TBC1D23: variants seen among roughly 807,000 people sequenced by gnomAD.
The protein encoded by TBC1D23 is TBC1 domain family member 23, also known as HCV non-structural protein 4A-transactivated protein 1.
TBC1D23 carries 55 observed loss-of-function variants against 91.4 expected under a neutral mutation model. That is an observed-to-expected ratio of 0.60 (90% CI 0.48 to 0.75). The LOEUF is 0.75. TBC1D23 is among the 30% of genes least tolerant of loss of function. The pLI is 0.00. For synonymous variants in TBC1D23, 289 were observed against 281.0 expected (o/e 1.03, Z -0.28); for missense variants, 725 against 836.1 (o/e 0.87, Z 1.64).
intron 5 of TBC1D23, among the ~76,000 whole-genome samples, chr3:100,294,562 A>C (rs994112991): frequency 6.6e-6 from 1 of 152,066 alleles, no homozygotes; most frequent in Non-Finnish European, 1.5e-5. Flanking sequence ...CGCCCGGCCT[A>C]ATCTCTTTCA....
chr3:100,319,638 G>C (rs558102775), intron 17 of TBC1D23, among the ~76,000 whole-genome samples: 16 of 152,188 alleles, frequency 1.1e-4, no homozygotes, highest in Non-Finnish European at 2.2e-4. Context: ...ATGTTGGTCA[G>C]GCTGGTCTCG....
intron 12 of TBC1D23, among the ~76,000 whole-genome samples, chr3:100,305,111 T>C (rs1355853061): frequency 6.6e-6 from 1 of 152,178 alleles, no homozygotes; most frequent in East Asian, 1.9e-4. Context: ...TTAATAGATT[T>C]GTTTCCAAAA....
chr3:100,288,562 A>T (rs552845570), intron 4 of TBC1D23, among the ~76,000 whole-genome samples: 80 of 152,336 alleles, frequency 5.3e-4, no homozygotes, highest in African/African-American at 1.9e-3. Context: ...GTTTGATAAA[A>T]TGTAAGATAA....
At chr3:100,322,936 A>T (rs550273605) in intron 18 of TBC1D23, among the ~76,000 whole-genome samples, 2 of 152,322 alleles carry the variant, frequency 1.3e-5, no homozygotes, top group African/African-American at 2.4e-5. Flanking sequence ...TTTACCGAAG[A>T]TGCTTTTTTA....
chr3:100,299,145 C>T (rs1705368312), intron 9 of TBC1D23, 94 bp from the exon 10 acceptor site: 2 of 751,818 alleles, frequency 2.7e-6, no homozygotes, highest in African/African-American at 1.8e-5. Flanking sequence ...TTTTAATGAA[C>T]TTGTTCCCTT....
At chr3:100,321,074 G>A (rs1002785301) in intron 18 of TBC1D23, 103 bp downstream of exon 18, 2 of 840,118 alleles carry the variant, frequency 2.4e-6, no homozygotes, top group Non-Finnish European at 3.6e-6. Flanking sequence ...AATGGATGGT[G>A]GAATAGGATA....
At chr3:100,306,413 CTT>C in intron 12 of TBC1D23, 22 bp from the exon 13 acceptor site, 3 of 1,276,106 alleles carry the variant, frequency 2.4e-6, no homozygotes, top group Non-Finnish European at 2.2e-6. Flanking sequence ...TTAGGTTTTT[CTT>C]TTTTTTTTAA....
intron 5 of TBC1D23, among the ~76,000 whole-genome samples, chr3:100,293,285 C>G (rs2067808983): frequency 6.6e-6 from 1 of 152,194 alleles, no homozygotes; most frequent in Non-Finnish European, 1.5e-5. Context: ...AGGCGCCCGC[C>G]ACCACACCCG....
intron 2 of TBC1D23, among the ~76,000 whole-genome samples, chr3:100,281,444 T>G (rs1027989788): frequency 6.6e-6 from 1 of 152,330 alleles, no homozygotes; most frequent in East Asian, 1.9e-4. Context: ...GCCAGTACAT[T>G]CTGTTGTTTT....
At position 100,282,119 on chromosome 3, in the gene TBC1D23, T is replaced by C. The variant is rs2067700407; in HGVS notation, c.271+272T>C. Among the ~76,000 whole-genome samples the C allele has an allele frequency of 3.9e-5, 6 of 152,310 alleles. No homozygotes were observed. The South Asian group carries it at 1.2e-3, about 32-fold the overall frequency. On this transcript the variant is annotated intron_variant, in intron 3 of 18. Coordinates refer to ENST00000394144, the MANE Select transcript of TBC1D23 (RefSeq NM_001199198.3). ...TGAGGTCAAGAGTTCAAGACCAGCC[T>C]GGCCAACATGGCAAAACCCTGTCTC... is the stretch of plus-strand genomic sequence containing the variant.
intron 9 of TBC1D23, 72 bp from the exon 10 acceptor site, chr3:100,299,167 C>T (rs1705368586): frequency 1.0e-6 from 1 of 956,276 alleles, no homozygotes; most frequent in Non-Finnish European, 1.6e-6. Flanking sequence ...ATTTGGTTAA[C>T]TGTGAATATT....
chr3:100,314,087 CA>C (rs1177088472), intron 15 of TBC1D23, among the ~76,000 whole-genome samples: 10 of 131,468 alleles, frequency 7.6e-5, no homozygotes, highest in Non-Finnish European at 1.6e-5. Flanking sequence ...AATTAGGCTA[CA>C]AAATTTTTTT....
intron 1 of TBC1D23, among the ~76,000 whole-genome samples, chr3:100,264,161 A>G (rs1176147974): frequency 6.6e-6 from 1 of 151,120 alleles, no homozygotes; most frequent in African/African-American, 2.4e-5. Flanking sequence ...GGGATGCTTT[A>G]CTCTTGTTTT....
At chr3:100,295,274 C>G (rs2067829234) in intron 6 of TBC1D23, 28 bp from the exon 7 acceptor site, 7 of 1,605,582 alleles carry the variant, frequency 4.4e-6, no homozygotes, top group Non-Finnish European at 5.9e-6. Flanking sequence ...TAATATTTAA[C>G]TCAAATTGAT....
intron 1 of TBC1D23, chr3:100,267,327 T>C (rs1011787737): frequency 1.0e-5 from 4 of 388,546 alleles, no homozygotes; most frequent in Non-Finnish European, 2.0e-5. Context: ...TTAAACCTAT[T>C]TTCTGAAATT....
In TBC1D23 at chr3:100,290,634, A is replaced by G. The variant is rs764434146; in HGVS notation, c.533A>G (p.His178Arg). 4 of 1,613,728 alleles carry G rather than the reference A, an allele frequency of 2.5e-6. No individual in the cohort carries two copies. Among genetic ancestry groups the G allele is most frequent in the South Asian group, 2.2e-5 (2 of 91,080 alleles). The change falls in exon 5 of 19, where the codon CAT (histidine) becomes CGT (arginine). Residue 178 changes from histidine (H) to arginine (R), a missense_variant. Transcript: ENST00000394144. ...CTCTTCAGGTTGCTCATCCAATACC[A>G]TGAGCCTGAGCTTTGTTCTTATCTT... ...FHLFRLLIQYHEPELCSYLDT... is the reference protein window; with the variant it reads ...FHLFRLLIQYREPELCSYLDT...
At chr3:100,318,371 G>C (rs961605043) in intron 16 of TBC1D23, among the ~76,000 whole-genome samples, 1 of 138,962 alleles carries the variant, frequency 7.2e-6, no homozygotes, top group African/African-American at 2.5e-5. Flanking sequence ...AATCAAAAAA[G>C]CAGCAAGATA....
rs913755069 is a variant in TBC1D23, at chr3:100,309,767, C to T, written c.1414-636C>T. On this transcript the variant is annotated intron_variant, in intron 13 of 18. Transcript: ENST00000394144. ...CTGGGATTACAAGCACCCATCACCA[C>T]GCCCGGCTAATTTTTGTACTTTTAG... 2.6e-4 allele frequency among the ~76,000 whole-genome samples: 39 copies of T among 152,030 alleles called. 1 individual carries two copies. The highest frequency in any genetic ancestry group is 2.1e-3 in the Admixed American group (32 of 15,270).
chr3:100,295,295 T>C lies in TBC1D23; in HGVS notation c.726-7T>C. 1 of 1,610,052 alleles carries C rather than the reference T, an allele frequency of 6.2e-7. No individual in the cohort carries two copies. Among genetic ancestry groups the C allele is most frequent in the South Asian group, 1.1e-5 (1 of 90,030 alleles). On this transcript the variant is annotated splice_region_variant and splice_polypyrimidine_tract_variant and intron_variant, in intron 6 of 18. Transcript: ENST00000394144. Reference sequence around the variant, plus strand: ...TTAACTCAAATTGATTTGATTCCCTTTTACAGAGAAGTTATTTTAACACAA... The same window carrying C: ...TTAACTCAAATTGATTTGATTCCCTCTTACAGAGAAGTTATTTTAACACAA...
Sources: gnomAD v4.1 joint callset for allele counts (sites outside exome capture counted in the v4.1 genomes callset) on GRCh38, gnomAD v4.1.1 for gene constraint, MANE v1.5 for transcripts, NCBI Gene and HGNC (gene_info 2026-07-23, HGNC 2026-07-21) for gene names.